GPC5: variants seen among roughly 807,000 people sequenced by gnomAD.
GPC5 encodes glypican-5.
In GPC5, 47 loss-of-function variants were observed where a neutral mutation model predicts 53.9. That is an observed-to-expected ratio of 0.87 (90% confidence interval 0.69 to 1.11). The LOEUF (loss-of-function observed/expected upper bound fraction) is 1.11, where lower values mean the gene tolerates loss of function less well. Ranked by LOEUF, GPC5 falls within the 50% of genes most tolerant of loss-of-function variation. The pLI, the probability that GPC5 is intolerant of heterozygous loss-of-function variation, is 0.00. For synonymous variants in GPC5, 286 were observed against 263.3 expected (o/e 1.09, Z -0.84); for missense variants, 748 against 713.1 (o/e 1.05, Z -0.56).
chr13:92,802,609 T>G (rs1256982667), intron 7 of GPC5, among the ~76,000 whole-genome samples: 3 of 151,852 alleles, frequency 2.0e-5, no homozygotes, highest in Non-Finnish European at 4.4e-5. Flanking sequence ...CATGGAATAC[T>G]ATGCTGAGAA....
intron 7 of GPC5, among the ~76,000 whole-genome samples, chr13:92,801,261 G>T (rs1245529098): frequency 6.6e-6 from 1 of 151,202 alleles, no homozygotes; most frequent in Non-Finnish European, 1.5e-5. Flanking sequence ...CAGACATTTT[G>T]GTCGACCACA....
intron 3 of GPC5, among the ~76,000 whole-genome samples, chr13:91,709,847 A>T (rs978997709): frequency 1.3e-5 from 2 of 152,194 alleles, no homozygotes; most frequent in Non-Finnish European, 2.9e-5. Context: ...CATTGGCTGG[A>T]CCACAGCAAT....
chr13:91,419,588 T>C (rs1268755485), intron 1 of GPC5, among the ~76,000 whole-genome samples: 1 of 152,178 alleles, frequency 6.6e-6, no homozygotes, highest in Non-Finnish European at 1.5e-5. Flanking sequence ...AATAAGCCAG[T>C]AGGTAAATTT....
At chr13:92,827,443 T>TA (rs1377516481) in intron 7 of GPC5, among the ~76,000 whole-genome samples, 1 of 152,120 alleles carries the variant, frequency 6.6e-6, no homozygotes, top group Non-Finnish European at 1.5e-5. Context: ...AAGAAAATCT[T>TA]ACAACCTTCC....
chr13:92,585,211 C>T (rs1200936823), intron 7 of GPC5, among the ~76,000 whole-genome samples: 1 of 152,104 alleles, frequency 6.6e-6, no homozygotes, highest in Non-Finnish European at 1.5e-5. Context: ...CACAGACACT[C>T]AACACTAGCC....
chr13:91,531,624 C>T (rs763522745), intron 2 of GPC5, among the ~76,000 whole-genome samples: 9 of 152,134 alleles, frequency 5.9e-5, no homozygotes, highest in Non-Finnish European at 8.8e-5. Flanking sequence ...AGAAGACAAA[C>T]GTCTTTATAC....
At chr13:91,766,620 C>T (rs908790621) in intron 5 of GPC5, among the ~76,000 whole-genome samples, 2 of 152,028 alleles carry the variant, frequency 1.3e-5, no homozygotes, top group Admixed American at 6.5e-5. Flanking sequence ...CCCAGCGCTT[C>T]GGGAGGCTGA....
intron 3 of GPC5, among the ~76,000 whole-genome samples, chr13:91,716,510 A>G (rs537965234): frequency 6.6e-6 from 1 of 152,336 alleles, no homozygotes; most frequent in African/African-American, 2.4e-5. Context: ...ATCAGCTTTT[A>G]TGTTTATTGC....
intron 6 of GPC5, among the ~76,000 whole-genome samples, chr13:92,062,714 G>A (rs939257484): frequency 2.0e-5 from 3 of 151,940 alleles, no homozygotes; most frequent in Non-Finnish European, 4.4e-5. Flanking sequence ...GCATATTAAT[G>A]TTTTTATAAT....
chr13:92,252,035 G>A (rs114564983), intron 7 of GPC5, among the ~76,000 whole-genome samples: 2,706 of 152,220 alleles, frequency 0.018, 74 homozygotes, highest in African/African-American at 0.061. Flanking sequence ...ATTCTTTAAT[G>A]TTATGTCTCA....
chr13:92,807,531 G>C (rs1877141970), intron 7 of GPC5, among the ~76,000 whole-genome samples: 1 of 152,078 alleles, frequency 6.6e-6, no homozygotes, highest in Non-Finnish European at 1.5e-5. Flanking sequence ...GTATTTGTTG[G>C]CTGCTTATCA....
At chr13:91,518,498 A>G (rs1885630661) in intron 2 of GPC5, among the ~76,000 whole-genome samples, 1 of 152,240 alleles carries the variant, frequency 6.6e-6, no homozygotes, top group Admixed American at 6.5e-5. Flanking sequence ...GATACTCAGA[A>G]CAATGCATTC....
intron 4 of GPC5, among the ~76,000 whole-genome samples, chr13:91,741,761 G>A (rs2036938877): frequency 6.6e-6 from 1 of 152,108 alleles, no homozygotes; most frequent in Non-Finnish European, 1.5e-5. Context: ...TGGTAAATCA[G>A]TATTGAGATA....
At chr13:91,887,548 G>A (rs748856105) in intron 5 of GPC5, among the ~76,000 whole-genome samples, 4 of 152,156 alleles carry the variant, frequency 2.6e-5, no homozygotes, top group South Asian at 4.2e-4. Context: ...GCATTGTGAC[G>A]CTGCAAATTT....
chr13:92,803,832 C>G (rs949188665), intron 7 of GPC5, among the ~76,000 whole-genome samples: 3 of 151,914 alleles, frequency 2.0e-5, no homozygotes, highest in African/African-American at 7.2e-5. Context: ...TTTCTCTTTA[C>G]AATGATTTGC....
chr13:92,546,975 C>T (rs1157943457), intron 7 of GPC5, among the ~76,000 whole-genome samples: 3 of 152,122 alleles, frequency 2.0e-5, no homozygotes, highest in Non-Finnish European at 2.9e-5. Context: ...ATGTAGAAAG[C>T]TGAAACTGGA....
intron 2 of GPC5, among the ~76,000 whole-genome samples, chr13:91,572,700 C>T (rs1455438120): frequency 1.3e-5 from 2 of 152,036 alleles, no homozygotes; most frequent in African/African-American, 2.4e-5. Flanking sequence ...CTAGGCCTCA[C>T]CTCAAACATT....
chr13:92,549,635 A>G (rs1431265928), intron 7 of GPC5, among the ~76,000 whole-genome samples: 3 of 152,082 alleles, frequency 2.0e-5, no homozygotes, highest in Non-Finnish European at 2.9e-5. Context: ...AATGCTCAAC[A>G]AATGAGAATA....
intron 6 of GPC5, among the ~76,000 whole-genome samples, chr13:92,124,272 AACT>A (rs1264609600): frequency 1.8e-4 from 27 of 151,048 alleles, no homozygotes; most frequent in African/African-American, 6.3e-4. Flanking sequence ...AAAAAAAAAA[AACT>A]AGTTCTCTCA....
Sources: gnomAD v4.1 joint callset for allele counts (sites outside exome capture counted in the v4.1 genomes callset) on GRCh38, gnomAD v4.1.1 for gene constraint, MANE v1.5 for transcripts, NCBI Gene and HGNC (gene_info 2026-07-23, HGNC 2026-07-21) for gene names.